The following MPND variants were observed in gnomAD, a reference collection of about 807,000 sequenced individuals.
The protein encoded by MPND is MPN domain-containing protein.
In MPND, 56 loss-of-function variants were observed where a neutral mutation model predicts 59.2. That is an observed-to-expected ratio of 0.95 (90% CI 0.76 to 1.18). The LOEUF is 1.18. Among genes scored for constraint, MPND ranks in the 50% most tolerant of loss-of-function variants. The pLI is 0.00. For missense variants in MPND, 671 were observed against 676.0 expected (o/e 0.99, Z 0.08); for synonymous variants, 323 against 291.9 (o/e 1.11, Z -1.09).
At chr19:4,359,110 A>C in intron 11 of MPND, 53 bp from the exon 12 acceptor site, 412 of 1,232,340 alleles carry the variant, frequency 3.3e-4, no homozygotes, top group Non-Finnish European at 4.5e-4. Context: ...AGAGGCGCTG[A>C]GGTACCTCAG....
chr19:4,345,763 G>C lies in MPND; in HGVS notation c.313G>C (p.Asp105His). Reference sequence around the variant, plus strand: ...ACTGCAGGGGAAGAAGTTCCTGGGCGACCTGCAGCCAGACGGAAGGATCAT... The same window carrying C: ...ACTGCAGGGGAAGAAGTTCCTGGGCCACCTGCAGCCAGACGGAAGGATCAT... ...IYYLGKKFLG[D>H]LQPDGRIMWQ... The change falls in exon 3 of 13, where the codon GAC becomes CAC. Residue 105 changes from aspartate to histidine, a missense_variant. Asp to His is a moderately conservative substitution (Grantham distance 81). Transcript: ENST00000599840. 5.6e-6 allele frequency: 9 copies of C among 1,613,848 alleles called. No individual in the cohort carries two copies. Among genetic ancestry groups the C allele is most frequent in the Non-Finnish European group, 6.8e-6 (8 of 1,179,934 alleles).
At position 4,346,441 on chromosome 19, in the gene MPND, A is replaced by G. The variant is rs184999055; in HGVS notation, c.531+460A>G. Among the ~76,000 whole-genome samples the G allele has an allele frequency of 3.1e-4, 47 of 151,916 alleles. No homozygotes were observed. The East Asian group carries it at 9.0e-3, about 29-fold the overall frequency. On this transcript the variant is annotated intron_variant, in intron 3 of 12. Transcript: ENST00000599840. ...TAGTTTTTTTCTTTTTTTTTGAGAC[A>G]GGGTCTCACTCTGTGGCCCAGGCTG...
chr19:4,350,436 G>A (rs1469650615), intron 3 of MPND, among the ~76,000 whole-genome samples: 1 of 152,200 alleles, frequency 6.6e-6, no homozygotes, highest in Non-Finnish European at 1.5e-5. Context: ...GGTGGCTGCT[G>A]TGGGGACTAG....
chr19:4,357,138 C>T (rs1363643477), intron 8 of MPND, 115 bp from the exon 9 acceptor site: 8 of 1,183,340 alleles, frequency 6.8e-6, no homozygotes, highest in Non-Finnish European at 9.0e-6. Context: ...TCTTGGTCAT[C>T]ACTGTGTCCC....
chr19:4,348,528 A>C (rs1254154296), intron 3 of MPND: 1 of 150,744 alleles, frequency 6.6e-6, no homozygotes, highest in Non-Finnish European at 1.5e-5. Flanking sequence ...CAAAGTGCTG[A>C]GATTATAGGC....
At position 4,357,549 on chromosome 19, in the gene MPND, CAAGATCTCACCTTTCTGG is replaced by C; in HGVS notation, c.1201_1218del (p.Lys401_Trp406del). 1 of 1,613,690 alleles carries C rather than the reference CAAGATCTCACCTTTCTGG, an allele frequency of 6.2e-7. No individual in the cohort carries two copies. Among genetic ancestry groups the C allele is most frequent in the Non-Finnish European group, 8.5e-7 (1 of 1,179,844 alleles). On this transcript the variant is annotated inframe_deletion, in exon 10 of 13. Coordinates refer to ENST00000599840, the MANE Select transcript of MPND (RefSeq NM_001300862.2). ...ATTCTGGCAACCCAGGCCCCGAGTC[CAAGATCTCACCTTTCTGG>C]GTGATGCCTCCTCCCGAGGTAGGTG...
At position 4,357,312 on chromosome 19, in the gene MPND, A is replaced by G. The variant is rs61730128; in HGVS notation, c.1056A>G (p.Pro352=). The stretch of plus-strand genomic sequence containing the variant: ...TGGTGGGCTGGTACCACAGCCACCC[A>G]CACAGCCCGGCGCTGCCATCTCTGC... The part of the protein sequence containing the change: ...LSLVGWYHSH[P]HSPALPSLQD... Residue 352 remains proline, a synonymous_variant, in exon 9 of 13, where the codon CCA becomes CCG. Coordinates refer to ENST00000599840, the MANE Select transcript of MPND (RefSeq NM_001300862.2). The G allele has an allele frequency of 0.021, 33,245 of 1,612,946 alleles. 449 individuals carry two copies. Among genetic ancestry groups the G allele is most frequent in the African/African-American group, 0.057 (4,285 of 75,038 alleles).
At chr19:4,349,451 C>T (rs371154609) in intron 3 of MPND, among the ~76,000 whole-genome samples, 22 of 151,722 alleles carry the variant, frequency 1.5e-4, no homozygotes, top group African/African-American at 4.1e-4. Context: ...AGGGATGGAG[C>T]GTCAGGAAGT....
intron 3 of MPND, among the ~76,000 whole-genome samples, chr19:4,347,547 ATATGTTTTCAT>A (rs1972213472): frequency 6.6e-6 from 1 of 152,016 alleles, no homozygotes; most frequent in Non-Finnish European, 1.5e-5. Context: ...CTGCCTGTAG[ATATGTTTTCAT>A]AAACTTTTTT....
At position 4,357,409 on chromosome 19, in the gene MPND, G is replaced by A. The variant is rs377098672; in HGVS notation, c.1153G>A (p.Ala385Thr). 3.5e-5 allele frequency: 56 copies of A among 1,612,372 alleles called. No individual in the cohort carries two copies. The highest frequency in any genetic ancestry group is 3.3e-4 in the Middle Eastern group (2 of 6,078). ...GSSNGFQPCL[A>T]LLCSPYYSGN... ...CAGCAATGGCTTCCAGCCCTGCCTC[G>A]CCCTGCTCTGCTGTACGCGGGATGG... Residue 385 changes from alanine to threonine, a missense_variant, in exon 9 of 13, where the codon GCC becomes ACC. Ala to Thr is a moderately conservative substitution (Grantham distance 58). Coordinates refer to ENST00000599840, the MANE Select transcript of MPND (RefSeq NM_001300862.2).
chr19:4,344,464 G>A (rs1972141450), intron 2 of MPND, among the ~76,000 whole-genome samples: 1 of 152,222 alleles, frequency 6.6e-6, no homozygotes, highest in South Asian at 2.1e-4. Context: ...AGCCCCATGT[G>A]GAGAGAGGAA....
intron 6 of MPND, 200 bp downstream of exon 6, chr19:4,354,620 A>C: frequency 1.7e-6 from 1 of 605,318 alleles, no homozygotes; most frequent in Non-Finnish European, 2.9e-6. Context: ...TAATCCCAGC[A>C]CTTTGGGAAG....
At chr19:4,348,804 CCA>C (rs1972247385) in intron 3 of MPND, 1 of 151,900 alleles carries the variant, frequency 6.6e-6, no homozygotes, top group African/African-American at 2.4e-5. Context: ...TTATAGGCGC[CCA>C]CCACCAGGCC....
intron 4 of MPND, among the ~76,000 whole-genome samples, chr19:4,353,496 G>A: frequency 6.6e-6 from 1 of 152,134 alleles, no homozygotes; most frequent in Non-Finnish European, 1.5e-5. Context: ...TTGAACTCCT[G>A]ACCTCAGGTG....
chr19:4,353,069 A>G lies in MPND; in HGVS notation c.664+40A>G, dbSNP rs775681933. ...GAGGGGAGGCAGGACAGGGGCGGAT[A>G]CAGCTCGGGTTGGGGAGGAGACTGG... On this transcript the variant is annotated intron_variant, in intron 4 of 12. Coordinates refer to ENST00000599840, the MANE Select transcript of MPND (RefSeq NM_001300862.2). The G allele has an allele frequency of 5.3e-6, 7 of 1,316,516 alleles. No individual in the cohort carries two copies. In the Admixed American group the frequency reaches 2.1e-4, roughly 40 times the overall value. 81.6% of individuals were successfully genotyped at this position (1,316,516 alleles called of 1,614,324 possible). A position where few individuals can be genotyped will look rare whatever the true frequency, so the allele number is the denominator to read the frequency against.
intron 10 of MPND, 60 bp downstream of exon 10, chr19:4,357,645 G>A (rs1015143842): frequency 1.2e-5 from 18 of 1,509,386 alleles, no homozygotes; most frequent in East Asian, 4.7e-5. Context: ...TTTGGGTCAC[G>A]ACTAGGCAGG....
chr19:4,346,324 G>A (rs1368144916), intron 3 of MPND, among the ~76,000 whole-genome samples: 2 of 152,172 alleles, frequency 1.3e-5, no homozygotes, highest in Non-Finnish European at 2.9e-5. Context: ...GGGACCAGAG[G>A]GGCACTGGGG....
Position 4,359,987 on chromosome 19 carries a change from CA to C in MPND, c.1493del (p.Lys498SerfsTer?). On this transcript the variant is annotated frameshift_variant, in exon 13 of 13. Coordinates refer to ENST00000599840, the MANE Select transcript of MPND (RefSeq NM_001300862.2). LOFTEE classifies it high-confidence loss of function. ...HVLEQVCGVL[K>X]QGS ...TCCTGGAACAGGTGTGCGGCGTCCT[CA>C]AGCAGGGGAGCTGAGCCTTCCAGGG... 1 of 1,565,100 alleles carries C rather than the reference CA, an allele frequency of 6.4e-7. No homozygotes were observed. The highest frequency in any genetic ancestry group is 8.7e-7 in the Non-Finnish European group (1 of 1,154,434).
intron 3 of MPND, chr19:4,348,933 G>A: frequency 4.8e-6 from 1 of 208,228 alleles, no homozygotes; most frequent in Non-Finnish European, 1.0e-5. Context: ...GGGATTATAG[G>A]CGTGAGCCAC....
Sources: gnomAD v4.1 joint callset for allele counts (sites outside exome capture counted in the v4.1 genomes callset) on GRCh38, gnomAD v4.1.1 for gene constraint, MANE v1.5 for transcripts, NCBI Gene and HGNC (gene_info 2026-07-23, HGNC 2026-07-21) for gene names.